The following NLRP1 variants were observed in gnomAD, a reference collection of about 807,000 sequenced individuals.
The protein encoded by NLRP1 is NACHT, LRR and PYD domains-containing protein 1.
In NLRP1, 94 loss-of-function variants were observed where a neutral mutation model predicts 136.7. That is an observed-to-expected ratio of 0.69 (90% CI 0.58 to 0.82). NLRP1 has a LOEUF of 0.82. NLRP1 is among the 40% of genes least tolerant of loss of function. The pLI, the probability that NLRP1 is intolerant of heterozygous loss-of-function variation, is 0.00. For missense variants in NLRP1, 1,575 were observed against 1,802.7 expected (o/e 0.87, Z 2.29); for synonymous variants, 690 against 725.1 (o/e 0.95, Z 0.78).
At chr17:5,511,196 C>T (rs988792792), downstream of NLRP1, among the ~76,000 whole-genome samples, 5 of 151,964 alleles carry the variant, frequency 3.3e-5, no homozygotes, top group South Asian at 2.1e-4. Flanking sequence ...TTTAGGAGGC[C>T]GAGGCGGGCG....
chr17:5,528,967 A>G (rs1020157478), intron 12 of NLRP1, among the ~76,000 whole-genome samples: 7 of 152,242 alleles, frequency 4.6e-5, no homozygotes, highest in Non-Finnish European at 1.0e-4. Context: ...CAGCAATTAA[A>G]TGAAGCTTCT....
At chr17:5,564,927 T>C (rs1915172367) in intron 3 of NLRP1, among the ~76,000 whole-genome samples, 2 of 151,896 alleles carry the variant, frequency 1.3e-5, no homozygotes, top group South Asian at 4.1e-4. Context: ...TTAGTAGAGA[T>C]GGGGTTTCAC....
chr17:5,514,567 G>A lies in NLRP1; in HGVS notation c.*187C>T. On this transcript the variant is annotated 3_prime_UTR_variant, in exon 17 of 17. Coordinates refer to ENST00000572272, the MANE Select transcript of NLRP1 (RefSeq NM_033004.4). The stretch of plus-strand genomic sequence containing the variant: ...TCCCTGAGATGCTGTTAGGCCACCT[G>A]GACTGGGGCCCCCTGTGGCATCCCT... The A allele has an allele frequency of 3.7e-5, 53 of 1,436,508 alleles. No homozygotes were observed. Among genetic ancestry groups the A allele is most frequent in the Non-Finnish European group, 4.7e-5 (52 of 1,099,444 alleles). The allele number at this position is 1,436,508 out of a possible 1,614,324, so 89.0% of individuals were successfully genotyped here.
intron 4 of NLRP1, among the ~76,000 whole-genome samples, chr17:5,554,846 A>T (rs1913838340): frequency 6.6e-6 from 1 of 152,090 alleles, no homozygotes; most frequent in Non-Finnish European, 1.5e-5. Flanking sequence ...ACATAGTAAG[A>T]TCCTGTTTCT....
chr17:5,552,892 A>T (rs551617861), intron 5 of NLRP1, among the ~76,000 whole-genome samples: 1 of 152,154 alleles, frequency 6.6e-6, no homozygotes, highest in African/African-American at 2.4e-5. Context: ...GCCAGTTTCT[A>T]TTTTGAAAAT....
intron 5 of NLRP1, among the ~76,000 whole-genome samples, chr17:5,552,660 C>T (rs932397903): frequency 6.6e-6 from 1 of 152,130 alleles, no homozygotes; most frequent in African/African-American, 2.4e-5. Context: ...ATTACTGAGC[C>T]CAGTTGATTT....
At chr17:5,525,371 C>T (rs1371870129) in intron 12 of NLRP1, among the ~76,000 whole-genome samples, 1 of 152,218 alleles carries the variant, frequency 6.6e-6, no homozygotes, top group South Asian at 2.1e-4. Flanking sequence ...CCAATGGAAG[C>T]CTGTCAGCTC....
chr17:5,534,527 G>C (rs1910770300), intron 8 of NLRP1, among the ~76,000 whole-genome samples: 2 of 152,124 alleles, frequency 1.3e-5, no homozygotes, highest in Non-Finnish European at 2.9e-5. Context: ...CCTAAGAGCT[G>C]ATCACCTTGA....
downstream of NLRP1, among the ~76,000 whole-genome samples, chr17:5,509,140 A>G (rs991829373): frequency 6.6e-6 from 1 of 152,220 alleles, no homozygotes; most frequent in African/African-American, 2.4e-5. Context: ...CACAGCGTCC[A>G]TACTACTGCT....
chr17:5,533,011 C>T (rs1019768621), intron 10 of NLRP1, 27 bp from the exon 11 acceptor site: 8 of 1,593,292 alleles, frequency 5.0e-6, no homozygotes, highest in Admixed American at 1.8e-5. Flanking sequence ...GCGGTCAGCT[C>T]CAGATTCTCC....
Position 5,521,705 on chromosome 17 carries a change from T to A in NLRP1, c.3602A>T (p.Glu1201Val). ...GTTTTCCAGAACTATGTGATGCAGC[T>A]CCACCCTGGCTGGCTTCTCCAGGAG... Reference protein sequence around the residue: ...GMLLEKPARVELHHIVLENPS... With the variant: ...GMLLEKPARVVLHHIVLENPS... Residue 1201 changes from glutamate to valine, a missense_variant, in exon 13 of 17, where the codon GAG becomes GTG. Glu to Val is a moderately radical substitution (Grantham distance 121). Coordinates refer to ENST00000572272, the MANE Select transcript of NLRP1 (RefSeq NM_033004.4). The A allele has an allele frequency of 6.2e-7, 1 of 1,613,544 alleles. No individual in the cohort carries two copies. Among genetic ancestry groups the A allele is most frequent in the African/African-American group, 1.3e-5 (1 of 75,046 alleles).
At position 5,583,779 on chromosome 17, in the gene NLRP1, T is replaced by G; in HGVS notation, c.179A>C (p.Gln60Pro). 1 of 1,554,800 alleles carries G rather than the reference T, an allele frequency of 6.4e-7. No individual in the cohort carries two copies. The highest frequency in any genetic ancestry group is 8.7e-7 in the Non-Finnish European group (1 of 1,148,554). ...GMEVASYLVAQYGEQRAWDLA... is the reference protein window; with the variant it reads ...GMEVASYLVAPYGEQRAWDLA... ...GTCCCAGGCCCGCTGCTCCCCATAC[T>G]GAGCCACCAGGTACGAGGCCACCTC... Residue 60 changes from glutamine (Q) to proline (P), a missense_variant, in exon 1 of 17, where the codon CAG (glutamine) becomes CCG (proline). By Grantham distance (76) the Gln-to-Pro change is moderately conservative. Coordinates refer to ENST00000572272, the MANE Select transcript of NLRP1 (RefSeq NM_033004.4). This position sits in a 1 kb window ranked among gnomAD's most constrained non-coding sequence, Gnocchi z 4.5.
chr17:5,518,810 G>A (rs191047789), intron 14 of NLRP1, among the ~76,000 whole-genome samples: 2 of 150,950 alleles, frequency 1.3e-5, no homozygotes, highest in Non-Finnish European at 2.9e-5. Flanking sequence ...AATTACAGGC[G>A]AAAGTCACTG....
Position 5,582,824 on chromosome 17 carries a change from G to A in NLRP1, c.294C>T (p.Tyr98=), listed in dbSNP as rs758637272. Residue 98 remains tyrosine (Y), a synonymous_variant, in exon 2 of 17, where the codon TAC becomes TAT. Coordinates refer to ENST00000572272, the MANE Select transcript of NLRP1 (RefSeq NM_033004.4). ...ACCCCAGGTGGGGTTCACTTGGGCT[G>A]TAGGGGAATGAGGGAGAGTGGCCTA... is the stretch of plus-strand genomic sequence containing the variant. ...EGAGHSPSFP[Y]SPSEPHLGSP... The A allele has an allele frequency of 1.2e-6, 2 of 1,612,108 alleles. No individual in the cohort carries two copies. The highest frequency in any genetic ancestry group is 1.3e-5 in the African/African-American group (1 of 75,026).
chr17:5,570,055 C>A (rs966927825), intron 3 of NLRP1, among the ~76,000 whole-genome samples: 32 of 152,048 alleles, frequency 2.1e-4, no homozygotes, highest in Admixed American at 3.9e-4. Context: ...TAAAGAAATT[C>A]TTTGAAACCA....
At chr17:5,569,590 T>C (rs1194018262) in intron 3 of NLRP1, among the ~76,000 whole-genome samples, 1 of 152,202 alleles carries the variant, frequency 6.6e-6, no homozygotes, top group African/African-American at 2.4e-5. Flanking sequence ...GGAATATATA[T>C]GCATCCAATA....
At chr17:5,540,231 T>A (rs919206320) in intron 6 of NLRP1, among the ~76,000 whole-genome samples, 1 of 152,216 alleles carries the variant, frequency 6.6e-6, no homozygotes, top group Non-Finnish European at 1.5e-5. Context: ...TTAAAAAGAA[T>A]GATGTGACTT....
chr17:5,515,368 G>C (rs2151733103), intron 16 of NLRP1, 105 bp downstream of exon 16: 1 of 1,001,188 alleles, frequency 1.0e-6, no homozygotes, highest in South Asian at 1.3e-5. Context: ...TCTTTGTGAG[G>C]TTTGCAGTGA....
chr17:5,513,646 G>A (rs1782056301), downstream of NLRP1, among the ~76,000 whole-genome samples: 1 of 152,166 alleles, frequency 6.6e-6, no homozygotes, highest in African/African-American at 2.4e-5. Context: ...TAGGGATGAT[G>A]GCCCCTGTTC....
Sources: gnomAD v4.1 joint callset for allele counts (sites outside exome capture counted in the v4.1 genomes callset) on GRCh38, gnomAD v4.1.1 for gene constraint, Gnocchi (gnomAD v3.1) non-coding constraint, MANE v1.5 for transcripts, NCBI Gene and HGNC (gene_info 2026-07-23, HGNC 2026-07-21) for gene names.